PCDHA8: variants seen among roughly 807,000 people sequenced by gnomAD.
The protein encoded by PCDHA8 is protocadherin alpha-8.
PCDHA8 carries 53 observed loss-of-function variants against 61.8 expected under a neutral mutation model. The ratio of observed to expected loss-of-function variants is 0.86; its 90% CI spans 0.69 to 1.08. The LOEUF is 1.08. Among genes scored for constraint, PCDHA8 ranks in the 50% least tolerant of loss-of-function variants. PCDHA8 has a pLI of 0.00. For synonymous variants in PCDHA8, 618 were observed against 556.6 expected (o/e 1.11, Z -1.55); for missense variants, 1,293 against 1,245.0 (o/e 1.04, Z -0.58).
In PCDHA8 at chr5:140,851,279, A is replaced by G. The variant is rs1554145338; in HGVS notation, c.2394+7564A>G. On this transcript the variant is annotated intron_variant, in intron 1 of 3. Transcript: ENST00000531613. ...ATTTTAGTCTACTTGTATTGTTTAT[A>G]AGAAACCCAAGCAAAAATATATAGC... 2.9e-6 allele frequency: 3 copies of G among 1,045,342 alleles called. 1 individual carries two copies. In the African/African-American group the frequency reaches 5.0e-5, roughly 17 times the overall value. The allele number at this position is 1,045,342 out of a possible 1,614,324, so 64.8% of individuals were successfully genotyped here.
At chr5:140,857,747 T>C (rs2150398019) in intron 1 of PCDHA8, 2 of 1,597,058 alleles carry the variant, frequency 1.3e-6, no homozygotes, top group South Asian at 1.1e-5. Context: ...GCTGCTGGCG[T>C]CTCCCGCTGG....
intron 1 of PCDHA8, chr5:140,928,449 G>A (rs1225507568): frequency 3.7e-6 from 6 of 1,614,136 alleles, no homozygotes; most frequent in Non-Finnish European, 5.1e-6. Context: ...AGCAGCTCAG[G>A]GGGTTTCATT....
chr5:140,912,235 C>G (rs562096532), intron 1 of PCDHA8, among the ~76,000 whole-genome samples: 2 of 151,858 alleles, frequency 1.3e-5, no homozygotes, highest in South Asian at 4.2e-4. Context: ...TCCACTGACT[C>G]AAATGTTAAT....
At chr5:140,870,285 C>G (rs1315531348) in intron 1 of PCDHA8, 1 of 1,614,108 alleles carries the variant, frequency 6.2e-7, no homozygotes, top group Non-Finnish European at 8.5e-7. Flanking sequence ...ACGTTCCCTT[C>G]AAGCTGGTGT....
At chr5:140,937,718 C>T (rs538350541) in intron 1 of PCDHA8, among the ~76,000 whole-genome samples, 1 of 152,076 alleles carries the variant, frequency 6.6e-6, no homozygotes, top group South Asian at 2.1e-4. Context: ...CAAGACCATC[C>T]TGGCTAACAC....
chr5:140,857,735 G>C (rs782288464), intron 1 of PCDHA8: 8 of 1,597,222 alleles, frequency 5.0e-6, no homozygotes, highest in South Asian at 1.1e-5. Flanking sequence ...CAACGCTCCC[G>C]CGCTGCTGGC....
chr5:140,899,197 A>G (rs1300452676), intron 1 of PCDHA8, among the ~76,000 whole-genome samples: 2 of 152,018 alleles, frequency 1.3e-5, no homozygotes, highest in Admixed American at 6.6e-5. Context: ...TCTCCTGCCT[A>G]ATTGCCCTGG....
intron 1 of PCDHA8, chr5:140,877,048 G>C (rs376952553): frequency 1.2e-5 from 19 of 1,612,558 alleles, no homozygotes; most frequent in African/African-American, 2.7e-5. Flanking sequence ...GCTAGACCAC[G>C]AGGAGCTGGA....
intron 3 of PCDHA8, among the ~76,000 whole-genome samples, chr5:140,989,980 C>T (rs1172154204): frequency 6.6e-6 from 1 of 152,012 alleles, no homozygotes; most frequent in South Asian, 2.1e-4. Context: ...AGCAACAGCC[C>T]TGCCTGAAAT....
intron 1 of PCDHA8, among the ~76,000 whole-genome samples, chr5:140,949,557 T>C (rs955949496): frequency 6.6e-6 from 1 of 151,888 alleles, no homozygotes; most frequent in Non-Finnish European, 1.5e-5. Flanking sequence ...CTGGTCATAC[T>C]TTTTTTCTTG....
At chr5:140,855,964 T>C in intron 1 of PCDHA8, 3 of 1,408,442 alleles carry the variant, frequency 2.1e-6, no homozygotes, top group Admixed American at 2.3e-5. Context: ...AAAAAATAGA[T>C]ATAAGAAATA....
At chr5:140,902,208 T>TC (rs1462936622) in intron 1 of PCDHA8, among the ~76,000 whole-genome samples, 2 of 149,762 alleles carry the variant, frequency 1.3e-5, no homozygotes, top group East Asian at 3.9e-4. Flanking sequence ...TCTTTCTTTT[T>TC]TTTTTTTTTT....
At chr5:140,990,097 T>C (rs2097373826) in intron 3 of PCDHA8, among the ~76,000 whole-genome samples, 1 of 151,922 alleles carries the variant, frequency 6.6e-6, no homozygotes, top group African/African-American at 2.4e-5. Flanking sequence ...GTGCTACTAT[T>C]GAAACAGGAA....
At chr5:140,927,236 T>A in intron 1 of PCDHA8, 3 of 1,614,120 alleles carry the variant, frequency 1.9e-6, no homozygotes, top group Non-Finnish European at 2.5e-6. Context: ...ATTCACGTCC[T>A]GGACACCAAT....
At chr5:140,972,925 G>T (rs1297920795) in intron 1 of PCDHA8, among the ~76,000 whole-genome samples, 1 of 152,120 alleles carries the variant, frequency 6.6e-6, no homozygotes, top group Non-Finnish European at 1.5e-5. Context: ...GCCTCCCAAA[G>T]TGCTGGGATT....
intron 1 of PCDHA8, among the ~76,000 whole-genome samples, chr5:140,964,874 A>C (rs1443431100): frequency 6.6e-6 from 1 of 152,178 alleles, no homozygotes; most frequent in East Asian, 1.9e-4. Flanking sequence ...GACAAATAAG[A>C]AGCAGCAGTG....
At chr5:140,911,985 A>C (rs1554195072) in intron 1 of PCDHA8, among the ~76,000 whole-genome samples, 2 of 152,204 alleles carry the variant, frequency 1.3e-5, no homozygotes, top group African/African-American at 4.8e-5. Flanking sequence ...CATGATCACA[A>C]GGTCCCACAA....
intron 1 of PCDHA8, among the ~76,000 whole-genome samples, chr5:140,943,273 A>AG (rs1157586895): frequency 6.7e-6 from 1 of 150,362 alleles, no homozygotes; most frequent in Non-Finnish European, 1.5e-5. Flanking sequence ...AAAAAAAAAA[A>AG]AAAAGAAAGA....
intron 1 of PCDHA8, chr5:140,857,825 G>C: frequency 6.3e-7 from 1 of 1,597,886 alleles, no homozygotes; most frequent in Middle Eastern, 1.7e-4. Context: ...GGTGGCTAAG[G>C]TGCGCGCAGT....
Sources: gnomAD v4.1 joint callset for allele counts (sites outside exome capture counted in the v4.1 genomes callset) on GRCh38, gnomAD v4.1.1 for gene constraint, MANE v1.5 for transcripts, NCBI Gene and HGNC (gene_info 2026-07-23, HGNC 2026-07-21) for gene names.